The following UBXN6 variants were observed in gnomAD, a reference collection of about 807,000 sequenced individuals.
UBXN6 encodes UBX domain-containing protein 6.
Under a neutral mutation model 51.4 loss-of-function variants are expected in UBXN6, and 44 were observed. The observed-to-expected ratio is 0.86, with a 90% CI of 0.67 to 1.10. The LOEUF (loss-of-function observed/expected upper bound fraction) is 1.10, where lower values mean the gene tolerates loss of function less well. UBXN6 is among the 50% of genes least tolerant of loss of function. The pLI, the probability that UBXN6 is intolerant of heterozygous loss-of-function variation, is 0.00. For synonymous variants in UBXN6, 316 were observed against 263.2 expected, an observed-to-expected ratio of 1.20 and a Z score of -1.94; for missense variants, 672 against 596.1, an observed-to-expected ratio of 1.13 and a Z score of -1.32.
At position 4,446,152 on chromosome 19, in the gene UBXN6, A is replaced by G. The variant is rs774546745; in HGVS notation, c.1097T>C (p.Val366Ala). The change falls in exon 10 of 11, where the codon GTC (valine) becomes GCC (alanine). Residue 366 changes from valine (V) to alanine (A), a missense_variant. Val to Ala is a moderately conservative substitution (Grantham distance 64, BLOSUM62 0). Coordinates refer to ENST00000301281, the MANE Select transcript of UBXN6 (RefSeq NM_025241.3). ...RERLGAVYGF[V>A]REALQSDWLP... ...CCAGTCGCTCTGCAGGGCCTCCCGG[A>G]CGAACCCGTACACCGCCCCCAGCCG... is the stretch of plus-strand genomic sequence containing the variant. The G allele has an allele frequency of 6.2e-7, 1 of 1,610,784 alleles. No homozygotes were observed. Among genetic ancestry groups the G allele is most frequent in the Non-Finnish European group, 8.5e-7 (1 of 1,179,650 alleles).
intron 4 of UBXN6, among the ~76,000 whole-genome samples, chr19:4,452,084 G>A (rs1019925867): frequency 2.0e-5 from 3 of 151,490 alleles, no homozygotes; most frequent in Admixed American, 6.6e-5. Context: ...AGGAGGCGGA[G>A]GTTGTAGTGA....
Position 4,447,642 on chromosome 19 carries a change from A to G in UBXN6, c.540-17T>C, listed in dbSNP as rs1408699288. On this transcript the variant is annotated splice_polypyrimidine_tract_variant and intron_variant, in intron 5 of 10. Coordinates refer to ENST00000301281, the MANE Select transcript of UBXN6 (RefSeq NM_025241.3). ...TCCAGGTACCTGGGGTAGGTGGAGA[A>G]GGTGAGTGGGGCACAGCCCAGGCTG... 2 of 1,613,638 alleles carry G rather than the reference A, an allele frequency of 1.2e-6. No homozygotes were observed. The highest frequency in any genetic ancestry group is 2.2e-5 in the South Asian group (2 of 91,070).
rs1172980288 is a variant in UBXN6 at position 4,447,759 on chromosome 19, CGAGGGCAGCAGACCATCTCCGGG to C, written c.540-157_540-135del. 1.6e-5 allele frequency: 14 copies of C among 860,020 alleles called. No homozygotes were observed. In the East Asian group the frequency reaches 3.6e-4, roughly 22 times the overall value. 53.3% of individuals were successfully genotyped at this position (860,020 alleles called of 1,614,324 possible). ...AGAGGGAAGAAGCGGCCCAGTGACG[CGAGGGCAGCAGACCATCTCCGGG>C]TGGAAGGCACACCTCGGACACCCCA... On this transcript the variant is annotated intron_variant, in intron 5 of 10. Transcript: ENST00000301281.
chr19:4,448,477 G>T, intron 4 of UBXN6, 62 bp from the exon 5 acceptor site: 1 of 1,379,152 alleles, frequency 7.3e-7, no homozygotes, highest in Non-Finnish European at 1.0e-6. Flanking sequence ...GCCCTCCGCT[G>T]CCCAGGTAAC....
At chr19:4,452,148 C>CAA (rs558870909) in intron 4 of UBXN6, among the ~76,000 whole-genome samples, 3 of 103,976 alleles carry the variant, frequency 2.9e-5, no homozygotes, top group Admixed American at 1.0e-4. Flanking sequence ...GACTCCATCT[C>CAA]AAAAAAAAAA....
At position 4,446,150 on chromosome 19, in the gene UBXN6, G is replaced by GGACGAACCCGTACACCGCCCCCA; in HGVS notation, c.1076_1098dup (p.Arg367TrpfsTer37). On this transcript the variant is annotated frameshift_variant, in exon 10 of 11. Coordinates refer to ENST00000301281, the MANE Select transcript of UBXN6 (RefSeq NM_025241.3). LOFTEE classifies it high-confidence loss of function. ...AGCCAGTCGCTCTGCAGGGCCTCCCGGACGAACCCGTACACCGCCCCCAGC... is the reference window on the plus strand; with the variant it reads ...AGCCAGTCGCTCTGCAGGGCCTCCCGGACGAACCCGTACACCGCCCCCAGACGAACCCGTACACCGCCCCCAGC... 6.2e-7 allele frequency: 1 copy of GGACGAACCCGTACACCGCCCCCA among 1,611,004 alleles called. No individual in the cohort carries two copies. Among genetic ancestry groups the GGACGAACCCGTACACCGCCCCCA allele is most frequent in the Non-Finnish European group, 8.5e-7 (1 of 1,179,690 alleles).
chr19:4,449,983 A>G (rs545480216), intron 4 of UBXN6: 2 of 152,324 alleles, frequency 1.3e-5, no homozygotes, highest in East Asian at 1.9e-4. Context: ...GAATCCCAGC[A>G]CTTTGGGAGG....
At chr19:4,457,057 A>C (rs1974748670) in intron 1 of UBXN6, among the ~76,000 whole-genome samples, 1 of 151,798 alleles carries the variant, frequency 6.6e-6, no homozygotes, top group Non-Finnish European at 1.5e-5. Flanking sequence ...GGATACCTCA[A>C]AACAACTCTT....
At chr19:4,445,785 A>T in intron 10 of UBXN6, 162 bp from the exon 11 acceptor site, 3 of 1,233,254 alleles carry the variant, frequency 2.4e-6, no homozygotes, top group Non-Finnish European at 3.3e-6. Context: ...TCCCTCCGGG[A>T]CTCCAGGACC....
chr19:4,445,645 ACT>A, intron 10 of UBXN6, 22 bp from the exon 11 acceptor site: 1 of 1,604,322 alleles, frequency 6.2e-7, no homozygotes, highest in Non-Finnish European at 8.5e-7. Flanking sequence ...GTAGGCCGTC[ACT>A]CTGAGACCGA....
chr19:4,446,888 C>T lies in UBXN6; in HGVS notation c.648G>A (p.Glu216=), dbSNP rs775101855. ...TCTGGAACCCAATGGCCTCAAAAAA[C>T]TCGTGGGTCCCTTCCAGGCAGTTAA... ...ERINCLEGTH[E]FFEAIGFQKV... The change falls in exon 7 of 11, where the codon GAG becomes GAA. Residue 216 remains glutamate (E), a synonymous_variant. Coordinates refer to ENST00000301281, the MANE Select transcript of UBXN6 (RefSeq NM_025241.3). The T allele has an allele frequency of 8.1e-6, 13 of 1,613,904 alleles. No homozygotes were observed. The highest frequency in any genetic ancestry group is 7.7e-5 in the South Asian group (7 of 91,090).
At chr19:4,448,194 C>T (rs1974578535) in intron 5 of UBXN6, 124 bp downstream of exon 5, 4 of 866,420 alleles carry the variant, frequency 4.6e-6, no homozygotes, top group Non-Finnish European at 7.3e-6. Flanking sequence ...TCACTCTCGG[C>T]CTATGCTCCT....
At position 4,446,328 on chromosome 19, in the gene UBXN6, AGTT is replaced by A; in HGVS notation, c.1003_1005del (p.Asn335del). The stretch of plus-strand genomic sequence containing the variant: ...GGGAGGCGCACGCGCAGCAGCGTGT[AGTT>A]GTACTTGCGCAGCCCCCGCTGCTCC... On this transcript the variant is annotated inframe_deletion, in exon 9 of 11. Transcript: ENST00000301281. 1 of 1,574,526 alleles carries A rather than the reference AGTT, an allele frequency of 6.4e-7. No homozygotes were observed. The highest frequency in any genetic ancestry group is 8.6e-7 in the Non-Finnish European group (1 of 1,166,172).
chr19:4,446,471 C>G, intron 8 of UBXN6, 29 bp downstream of exon 8: 1 of 1,593,032 alleles, frequency 6.3e-7, no homozygotes, highest in Non-Finnish European at 8.5e-7. Flanking sequence ...CCGCCCCGCC[C>G]CACTCTGCTC....
At chr19:4,445,769 GC>G in intron 10 of UBXN6, 146 bp from the exon 11 acceptor site, 1 of 1,336,836 alleles carries the variant, frequency 7.5e-7, no homozygotes, top group Non-Finnish European at 1.0e-6. Context: ...CAGGCCTCCT[GC>G]CCTCTCCCTC....
intron 1 of UBXN6, among the ~76,000 whole-genome samples, chr19:4,455,673 C>G (rs1599682444): frequency 6.6e-6 from 1 of 152,188 alleles, no homozygotes; most frequent in African/African-American, 2.4e-5. Flanking sequence ...CGCAGTTCTT[C>G]CCACACCCCA....
intron 1 of UBXN6, among the ~76,000 whole-genome samples, chr19:4,457,100 C>T (rs1260431631): frequency 6.6e-6 from 1 of 152,276 alleles, no homozygotes; most frequent in Non-Finnish European, 1.5e-5. Flanking sequence ...GCGTCCTCCT[C>T]CAAGCTCAGC....
rs537715794 is a variant in UBXN6, at chr19:4,447,323, C to T, written c.615+227G>A. On this transcript the variant is annotated intron_variant, in intron 6 of 10. Coordinates refer to ENST00000301281, the MANE Select transcript of UBXN6 (RefSeq NM_025241.3). Reference sequence around the variant, plus strand: ...CCAGCTGAAGAGGAGGAAAAGGATGCAGGTGAGGAGAGGCAGAATTTGTTG... The same window carrying T: ...CCAGCTGAAGAGGAGGAAAAGGATGTAGGTGAGGAGAGGCAGAATTTGTTG... The T allele has an allele frequency of 5.1e-6, 3 of 584,034 alleles. No individual in the cohort carries two copies. The Admixed American group carries it at 8.9e-5, about 17-fold the overall frequency. The allele number at this position is 584,034 out of a possible 1,614,324, so 36.2% of individuals were successfully genotyped here. A position where few individuals can be genotyped will look rare whatever the true frequency, so the allele number is the denominator to read the frequency against.
chr19:4,448,279 C>A (rs894203541), intron 5 of UBXN6, 39 bp downstream of exon 5: 2 of 1,545,188 alleles, frequency 1.3e-6, no homozygotes, highest in Non-Finnish European at 1.8e-6. Context: ...CTGGGATGAG[C>A]TGGAGGGGCC....
Sources: allele counts gnomAD v4.1 joint callset (sites outside exome capture counted in the v4.1 genomes callset), GRCh38; gene constraint gnomAD v4.1.1; transcripts MANE v1.5; gene names NCBI Gene and HGNC (gene_info 2026-07-23, HGNC 2026-07-21).